DPYSL5: variants seen among roughly 807,000 people sequenced by gnomAD.
The protein encoded by DPYSL5 is dihydropyrimidinase-related protein 5.
In DPYSL5, 9 loss-of-function variants were observed where a neutral mutation model predicts 58.4. The ratio of observed to expected loss-of-function variants is 0.15; its 90% confidence interval spans 0.09 to 0.27. The LOEUF is 0.27. Ranked by LOEUF, DPYSL5 falls within the 10% of genes least tolerant of loss-of-function variation. DPYSL5 has a pLI of 1.00. For synonymous variants in DPYSL5, 293 were observed against 301.9 expected, an observed-to-expected ratio of 0.97 and a Z score of 0.31; for missense variants, 499 against 770.6, an observed-to-expected ratio of 0.65 and a Z score of 4.17.
chr2:26,931,616 C>T (rs1368072390), intron 5 of DPYSL5, 24 bp from the exon 6 acceptor site: 1 of 1,613,570 alleles, frequency 6.2e-7, no homozygotes, highest in Non-Finnish European at 8.5e-7. Flanking sequence ...AGTTTGGTTT[C>T]CTCCTGTCCT....
intron 8 of DPYSL5, 104 bp from the exon 9 acceptor site, chr2:26,939,927 G>C: frequency 6.7e-7 from 1 of 1,502,234 alleles, no homozygotes; most frequent in Non-Finnish European, 9.1e-7. Context: ...ATTGGAGTCG[G>C]CTTTGCCTGC....
chr2:26,876,898 T>TCCTCAGAG (rs916444335), intron 1 of DPYSL5, among the ~76,000 whole-genome samples: 3 of 151,592 alleles, frequency 2.0e-5, no homozygotes, highest in African/African-American at 7.3e-5. Context: ...GGCACAAACA[T>TCCTCAGAG]CCTCAGAGTG....
At position 26,877,309 on chromosome 2, in the gene DPYSL5, A is replaced by T. The variant is rs541088930; in HGVS notation, c.-4-21187A>T. Among the ~76,000 whole-genome samples, 3 of 152,178 alleles carry T rather than the reference A, an allele frequency of 2.0e-5. No homozygotes were observed. Among genetic ancestry groups the T allele is most frequent in the African/African-American group, 7.2e-5 (3 of 41,534 alleles). On this transcript the variant is annotated intron_variant, in intron 1 of 12. Transcript: ENST00000288699. This position sits in a 1 kb window ranked among gnomAD's most constrained non-coding sequence, Gnocchi z 4.1. ...ACAATATTTTTATTTCTATTTATTT[A>T]TTTATTTTTTTAAGGCCAAGGAATT...
intron 4 of DPYSL5, 96 bp from the exon 5 acceptor site, chr2:26,928,159 C>A (rs1046693500): frequency 4.8e-6 from 6 of 1,250,974 alleles, no homozygotes; most frequent in East Asian, 4.8e-5. Flanking sequence ...TTGAAACAGG[C>A]GGTGTCTAGC....
intron 1 of DPYSL5, among the ~76,000 whole-genome samples, chr2:26,888,209 T>TTTC (rs1335062231): frequency 7.6e-4 from 80 of 105,126 alleles, no homozygotes; most frequent in African/African-American, 1.9e-3. Flanking sequence ...CTTCCCTTTC[T>TTTC]TTTCTTTCTT....
Position 26,927,377 on chromosome 2 carries a change from A to G in DPYSL5, c.545A>G (p.Lys182Arg). The G allele has an allele frequency of 6.2e-7, 1 of 1,614,252 alleles. No homozygotes were observed. Among genetic ancestry groups the G allele is most frequent in the Non-Finnish European group, 8.5e-7 (1 of 1,180,042 alleles). The change falls in exon 4 of 13, where the codon AAG (lysine) becomes AGG (arginine). Residue 182 changes from lysine to arginine, a missense_variant. Lys to Arg is a conservative substitution (Grantham distance 26, BLOSUM62 2). Around this residue, in one of 3 missense-constraint regions of DPYSL5, gnomAD observed 404 missense variants for 647.6 expected, o/e 0.62. Coordinates refer to ENST00000288699, the MANE Select transcript of DPYSL5 (RefSeq NM_020134.4). The surrounding 1 kb of genome is among the most constrained non-coding windows in gnomAD (Gnocchi z 4.3). Reference sequence around the variant, plus strand: ...CTGTACCAAGTGTTGCACGCTTGCAAGGACATTGGGGCAATCGCCCGCGTC... The same window carrying G: ...CTGTACCAAGTGTTGCACGCTTGCAGGGACATTGGGGCAATCGCCCGCGTC... ...SELYQVLHAC[K>R]DIGAIARVHA...
chr2:26,932,112 GAAAA>G (rs1446515970), intron 6 of DPYSL5, among the ~76,000 whole-genome samples: 2 of 81,492 alleles, frequency 2.5e-5, no homozygotes, highest in Non-Finnish European at 5.3e-5. Context: ...AGAAAGAAAA[GAAAA>G]AAGAAAGAGA....
intron 5 of DPYSL5, among the ~76,000 whole-genome samples, chr2:26,929,136 A>T (rs1664908351): frequency 6.6e-6 from 1 of 152,130 alleles, no homozygotes; most frequent in Non-Finnish European, 1.5e-5. Flanking sequence ...TGTGAAGCCT[A>T]TTGTGAACTG....
intron 1 of DPYSL5, among the ~76,000 whole-genome samples, chr2:26,861,521 G>A (rs1666016476): frequency 6.6e-6 from 1 of 152,198 alleles, no homozygotes; most frequent in African/African-American, 2.4e-5. Context: ...TTTCACAGAG[G>A]AGGAACCCAC....
rs529710783 is a variant in DPYSL5 at position 26,898,823 on chromosome 2, G to A, written c.261+63G>A. 4.5e-6 allele frequency: 7 copies of A among 1,545,970 alleles called. No homozygotes were observed. Among genetic ancestry groups the A allele is most frequent in the East Asian group, 4.5e-5 (2 of 44,298 alleles). On this transcript the variant is annotated intron_variant, in intron 2 of 12. Coordinates refer to ENST00000288699, the MANE Select transcript of DPYSL5 (RefSeq NM_020134.4). The surrounding 1 kb of genome is among the most constrained non-coding windows in gnomAD (Gnocchi z 6.1). ...GCTTTTTTATTCTGCTTCTAGGGCT[G>A]CTCCAGACTAGACTCATGTGAGCCA... is the stretch of plus-strand genomic sequence containing the variant.
intron 1 of DPYSL5, among the ~76,000 whole-genome samples, chr2:26,864,816 G>T (rs1392341883): frequency 1.3e-5 from 2 of 152,162 alleles, no homozygotes; most frequent in Admixed American, 6.5e-5. Flanking sequence ...CGCCCAAGGT[G>T]GCCGGGGTCA....
chr2:26,913,809 T>C (rs1664496945), intron 2 of DPYSL5, among the ~76,000 whole-genome samples: 2 of 152,196 alleles, frequency 1.3e-5, no homozygotes, highest in African/African-American at 4.8e-5. Context: ...ATCTGCCATG[T>C]CTGGGAATTC....
At chr2:26,858,765 G>A (rs1463893994) in intron 1 of DPYSL5, among the ~76,000 whole-genome samples, 1 of 149,300 alleles carries the variant, frequency 6.7e-6, no homozygotes, top group Admixed American at 6.7e-5. Flanking sequence ...GTAGAGATAG[G>A]GTCTCCCTAT....
intron 2 of DPYSL5, among the ~76,000 whole-genome samples, chr2:26,916,098 G>A (rs1664555765): frequency 6.6e-6 from 1 of 151,910 alleles, no homozygotes; most frequent in South Asian, 2.1e-4. Context: ...CTCTCCTGAT[G>A]CCATTTTTTC....
chr2:26,932,181 A>AAGACAGAC (rs1169400710), intron 6 of DPYSL5, among the ~76,000 whole-genome samples: 3 of 75,016 alleles, frequency 4.0e-5, no homozygotes, highest in East Asian at 3.8e-4. Context: ...GAAAGAAAGA[A>AAGACAGAC]AGAAAGAAAG....
At chr2:26,935,457 G>A (rs1665146719) in intron 8 of DPYSL5, among the ~76,000 whole-genome samples, 1 of 152,152 alleles carries the variant, frequency 6.6e-6, no homozygotes, top group African/African-American at 2.4e-5. Context: ...GGAGGCCGAG[G>A]TGGGTGGATC....
intron 5 of DPYSL5, 78 bp from the exon 6 acceptor site, chr2:26,931,562 T>C (rs1271374598): frequency 1.2e-5 from 19 of 1,570,450 alleles, no homozygotes; most frequent in Non-Finnish European, 1.6e-5. Context: ...AGTTGCTCCA[T>C]GAAGGGGAGA....
At chr2:26,890,779 G>A (rs1049716427) in intron 1 of DPYSL5, among the ~76,000 whole-genome samples, 3 of 152,152 alleles carry the variant, frequency 2.0e-5, no homozygotes, top group Non-Finnish European at 4.4e-5. Context: ...CAGGCGGGTC[G>A]GGTTGTGGTG....
intron 6 of DPYSL5, among the ~76,000 whole-genome samples, chr2:26,932,048 GGAAAGAAAGAAAGAAAGAAA>G (rs149642423): frequency 4.2e-5 from 2 of 47,620 alleles, no homozygotes; most frequent in African/African-American, 2.0e-4. Flanking sequence ...AAGAAAGAAA[GGAAAGAAAGAAAGAAAGAAA>G]GAAAGAAAGA....
Sources: gnomAD v4.1 joint callset for allele counts (sites outside exome capture counted in the v4.1 genomes callset) on GRCh38, gnomAD v4.1.1 for gene constraint, gnomAD v4.1.1 regional missense constraint, Gnocchi (gnomAD v3.1) non-coding constraint, MANE v1.5 for transcripts, NCBI Gene and HGNC (gene_info 2026-07-23, HGNC 2026-07-21) for gene names.